The following HECTD4 variants were observed in gnomAD, a reference collection of about 807,000 sequenced individuals.
HECTD4 encodes HECT domain E3 ubiquitin protein ligase 4.
A neutral mutation model predicts 471.5 loss-of-function variants in HECTD4; 114 were observed. That is an observed-to-expected ratio of 0.24 (90% CI 0.21 to 0.28). HECTD4 has a LOEUF of 0.28. HECTD4 is among the 10% of genes least tolerant of loss of function. HECTD4 has a pLI of 1.00. For missense variants in HECTD4, 3,866 were observed against 5,651.5 expected (o/e 0.68, Z 10.13); for synonymous variants, 2,012 against 2,256.0 (o/e 0.89, Z 3.07).
rs764080085 is a variant in HECTD4, at chr12:112,235,580, C to T, written c.5649G>A (p.Glu1883=). The T allele has an allele frequency of 1.2e-6, 2 of 1,614,026 alleles. No individual in the cohort carries two copies. The highest frequency in any genetic ancestry group is 2.2e-5 in the South Asian group (2 of 91,082). ...WSYSVPSLNS[E]QEDPSDPASK... ...AAGCTGGGTCGCTGGGATCCTCCTG[C>T]TCACTGTTTAAGGAGGGGACAGAGT... Residue 1883 remains glutamate (E), a synonymous_variant, in exon 36 of 76, where the codon GAG becomes GAA. Coordinates refer to ENST00000682272, the MANE Select transcript of HECTD4 (RefSeq NM_001388303.1). The surrounding 1 kb of genome is among the most constrained non-coding windows in gnomAD (Gnocchi z 5.0).
At chr12:112,214,893 C>G (rs1197221795) in intron 48 of HECTD4, among the ~76,000 whole-genome samples, 1 of 152,138 alleles carries the variant, frequency 6.6e-6, no homozygotes, top group African/African-American at 2.4e-5. Context: ...GTGGCTCACA[C>G]CTGAGAGCCC....
At chr12:112,246,576 G>A (rs1209327774) in intron 29 of HECTD4, among the ~76,000 whole-genome samples, 7 of 152,054 alleles carry the variant, frequency 4.6e-5, no homozygotes, top group South Asian at 2.1e-4. Context: ...CGGAGGTTTC[G>A]GTGAGCCAAG....
At chr12:112,353,010 G>A (rs2036273645) in intron 1 of HECTD4, among the ~76,000 whole-genome samples, 1 of 152,178 alleles carries the variant, frequency 6.6e-6, no homozygotes, top group Admixed American at 6.5e-5. Flanking sequence ...GTTGCCAAAA[G>A]GCTAGAAGCA....
chr12:112,250,172 C>T lies in HECTD4; in HGVS notation c.3922G>A (p.Ala1308Thr), dbSNP rs759349283. 1 of 1,613,800 alleles carries T rather than the reference C, an allele frequency of 6.2e-7. No individual in the cohort carries two copies. Among genetic ancestry groups the T allele is most frequent in the South Asian group, 1.1e-5 (1 of 91,066 alleles). ...ATACTTGGTCTAAATTGAGGTCTAG[C>T]ACGCCCAGAAATTTCCCTGAGCTTT... ...MIKLREISGR[A>T]RPQFRPSIKE... Residue 1308 changes from alanine to threonine, a missense_variant, in exon 25 of 76, where the codon GCT becomes ACT. Physicochemically the swap from Ala to Thr is moderately conservative, Grantham distance 58. Transcript: ENST00000682272.
chr12:112,170,282 G>A, intron 69 of HECTD4, 51 bp downstream of exon 69: 1 of 1,600,700 alleles, frequency 6.2e-7, no homozygotes, highest in Non-Finnish European at 8.5e-7. Context: ...ATCCGCTAGT[G>A]TGTTTAGGCA....
In HECTD4 at chr12:112,163,343, C is replaced by A; in HGVS notation, c.12898-79G>T. On this transcript the variant is annotated intron_variant, in intron 74 of 75. Transcript: ENST00000682272. This position sits in a 1 kb window ranked among gnomAD's most constrained non-coding sequence, Gnocchi z 8.2. ...CCTCCCCAGCCCTGGGGTCTGCAGG[C>A]CAGGCCCAATCCTGGGGCAGGGTGC... is the stretch of plus-strand genomic sequence containing the variant. 1 of 1,347,900 alleles carries A rather than the reference C, an allele frequency of 7.4e-7. No individual in the cohort carries two copies. Among genetic ancestry groups the A allele is most frequent in the South Asian group, 1.4e-5 (1 of 72,520 alleles). The allele number at this position is 1,347,900 out of a possible 1,614,324, so 83.5% of individuals were successfully genotyped here.
intron 44 of HECTD4, among the ~76,000 whole-genome samples, chr12:112,225,621 A>C (rs773825168): frequency 7.5e-6 from 1 of 133,150 alleles, no homozygotes; most frequent in African/African-American, 2.7e-5. Context: ...ATTGTAAGGC[A>C]AAAAAAAAAA....
At chr12:112,368,135 T>C (rs554770397) in intron 1 of HECTD4, among the ~76,000 whole-genome samples, 6 of 152,332 alleles carry the variant, frequency 3.9e-5, no homozygotes, top group African/African-American at 1.2e-4. Flanking sequence ...TAATCTAAAA[T>C]TGCTACACAC....
chr12:112,333,357 C>T (rs1473528772), intron 1 of HECTD4, among the ~76,000 whole-genome samples: 1 of 152,186 alleles, frequency 6.6e-6, no homozygotes, highest in African/African-American at 2.4e-5. Flanking sequence ...TCTTTGGTGC[C>T]ACTTGTTATT....
intron 37 of HECTD4, 32 bp from the exon 38 acceptor site, chr12:112,233,117 C>T: frequency 6.4e-7 from 1 of 1,567,596 alleles, no homozygotes; most frequent in Non-Finnish European, 8.7e-7. Flanking sequence ...ACACAGCACA[C>T]CTTACAGGCA....
chr12:112,364,590 G>T (rs780558987), intron 1 of HECTD4, among the ~76,000 whole-genome samples: 1 of 151,894 alleles, frequency 6.6e-6, no homozygotes, highest in Non-Finnish European at 1.5e-5. Context: ...TTAGCCAGCC[G>T]TGGTGGCATG....
chr12:112,270,876 C>T (rs1188986668), intron 11 of HECTD4, among the ~76,000 whole-genome samples: 1 of 152,120 alleles, frequency 6.6e-6, no homozygotes, highest in Non-Finnish European at 1.5e-5. Context: ...TACTGGTAAC[C>T]ATTCTAGTAA....
chr12:112,370,609 A>G (rs777759992), intron 1 of HECTD4, among the ~76,000 whole-genome samples: 20 of 152,222 alleles, frequency 1.3e-4, no homozygotes, highest in Non-Finnish European at 2.6e-4. Context: ...AATGTGTTAT[A>G]TACACACCAA....
At chr12:112,359,495 T>C (rs2036411291) in intron 1 of HECTD4, among the ~76,000 whole-genome samples, 1 of 152,128 alleles carries the variant, frequency 6.6e-6, no homozygotes, top group African/African-American at 2.4e-5. Context: ...TCTCAGCTCA[T>C]TGCAACCTCT....
intron 1 of HECTD4, among the ~76,000 whole-genome samples, chr12:112,328,243 A>C (rs1023078748): frequency 1.2e-4 from 18 of 151,962 alleles, no homozygotes; most frequent in Non-Finnish European, 2.4e-4. Context: ...GGCTCAAGTG[A>C]TCCTCCCACC....
At chr12:112,311,586 C>T (rs191417584) in intron 4 of HECTD4, among the ~76,000 whole-genome samples, 10 of 145,450 alleles carry the variant, frequency 6.9e-5, no homozygotes, top group Admixed American at 3.5e-4. Context: ...CACCACTGCA[C>T]TCCAACTTGG....
intron 11 of HECTD4, among the ~76,000 whole-genome samples, 192 bp from the exon 12 acceptor site, chr12:112,270,651 G>C (rs1422646915): frequency 6.6e-6 from 1 of 152,188 alleles, no homozygotes; most frequent in Non-Finnish European, 1.5e-5. Flanking sequence ...GAGTTCATTT[G>C]TTTGGAACAT....
At chr12:112,306,918 A>G (rs1054497026) in intron 6 of HECTD4, among the ~76,000 whole-genome samples, 4 of 152,228 alleles carry the variant, frequency 2.6e-5, no homozygotes, top group African/African-American at 9.6e-5. Flanking sequence ...ATGTGTTTCT[A>G]ATACTAAACA....
At chr12:112,212,460 T>C in intron 49 of HECTD4, 27 bp downstream of exon 49, 1 of 1,586,254 alleles carries the variant, frequency 6.3e-7, no homozygotes. Context: ...GGAGAATTTG[T>C]TTTCCTTTCC....
Sources: allele counts gnomAD v4.1 joint callset (sites outside exome capture counted in the v4.1 genomes callset), GRCh38; gene constraint gnomAD v4.1.1; non-coding constraint Gnocchi (gnomAD v3.1); transcripts MANE v1.5; gene names NCBI Gene and HGNC (gene_info 2026-07-23, HGNC 2026-07-21).